Variants in LOC400499 observed in about 807,000 individuals in gnomAD.
chr16:11,409,045 G>A, the LOC400499 span, among the ~76,000 whole-genome samples: 1 of 151,922 alleles, frequency 6.6e-6, no homozygotes, highest in Non-Finnish European at 1.5e-5. Context: ...CAGATCATTT[G>A]AGGTCAGGAG....
the LOC400499 span, chr16:11,424,466 G>A: frequency 5.0e-6 from 2 of 398,268 alleles, no homozygotes; most frequent in Admixed American, 8.8e-5. Flanking sequence ...GCTCTCTAGA[G>A]CATCCCCTGA....
the LOC400499 span, chr16:11,435,581 G>C: frequency 2.5e-6 from 1 of 398,634 alleles, no homozygotes; most frequent in African/African-American, 2.1e-5. Flanking sequence ...CTCTGAGTGA[G>C]GATCTCCCAT....
chr16:11,410,044 T>C, the LOC400499 span, among the ~76,000 whole-genome samples: 1 of 152,186 alleles, frequency 6.6e-6, no homozygotes, highest in Non-Finnish European at 1.5e-5. Flanking sequence ...CTCCAGAGGC[T>C]GAGGCAGGAG....
chr16:11,444,013 T>A, the LOC400499 span, among the ~76,000 whole-genome samples: 5 of 152,118 alleles, frequency 3.3e-5, no homozygotes, highest in Non-Finnish European at 5.9e-5. Flanking sequence ...TTTTATAGTT[T>A]TTTTTTTAGT....
the LOC400499 span, chr16:11,494,787 G>A: frequency 2.5e-6 from 1 of 399,024 alleles, no homozygotes; most frequent in Non-Finnish European, 4.4e-6. Flanking sequence ...GCCCCCACCC[G>A]AGGTGGTGGG....
At chr16:11,465,056 T>G in the LOC400499 span, among the ~76,000 whole-genome samples, 1 of 152,160 alleles carries the variant, frequency 6.6e-6, no homozygotes, top group African/African-American at 2.4e-5. Context: ...GATGCTCCAC[T>G]CCAGGCCTCT....
At chr16:11,406,781 T>C in the LOC400499 span, among the ~76,000 whole-genome samples, 3 of 152,240 alleles carry the variant, frequency 2.0e-5, no homozygotes, top group Non-Finnish European at 2.9e-5. Context: ...CGCTAGCTCA[T>C]GTGTCGTCTC....
At chr16:11,418,244 G>C in the LOC400499 span, among the ~76,000 whole-genome samples, 1 of 152,166 alleles carries the variant, frequency 6.6e-6, no homozygotes, top group African/African-American at 2.4e-5. Flanking sequence ...ATTTGAACCA[G>C]AGCAACTCCA....
chr16:11,397,736 TGGGATGGAGGGAGGGA>T, the LOC400499 span, among the ~76,000 whole-genome samples: 416 of 115,996 alleles, frequency 3.6e-3, 3 homozygotes, highest in South Asian at 0.017. Flanking sequence ...TATGAGTCCT[TGGGATGGAGGGAGGGA>T]GGGATGGAGG....
At chr16:11,426,152 C>T in the LOC400499 span, among the ~76,000 whole-genome samples, 1 of 152,126 alleles carries the variant, frequency 6.6e-6, no homozygotes. Context: ...AGAATAAAAA[C>T]TGGCCAGGCG....
the LOC400499 span, among the ~76,000 whole-genome samples, chr16:11,428,547 T>A: frequency 6.6e-6 from 1 of 152,162 alleles, no homozygotes. Flanking sequence ...ACCATGGCGC[T>A]GGTGGGAATG....
At chr16:11,382,286 A>G in the LOC400499 span, among the ~76,000 whole-genome samples, 1 of 152,076 alleles carries the variant, frequency 6.6e-6, no homozygotes, top group Non-Finnish European at 1.5e-5. Flanking sequence ...CCTTTGTCAT[A>G]TTTTCCAATT....
At chr16:11,382,553 T>G in the LOC400499 span, among the ~76,000 whole-genome samples, 1 of 149,814 alleles carries the variant, frequency 6.7e-6, no homozygotes, top group Non-Finnish European at 1.5e-5. Context: ...AACACACATT[T>G]GGTCACAGAA....
the LOC400499 span, among the ~76,000 whole-genome samples, chr16:11,432,364 G>C: frequency 6.6e-6 from 1 of 152,210 alleles, no homozygotes; most frequent in Non-Finnish European, 1.5e-5. Context: ...AACAGACTCT[G>C]ACATGCACTG....
the LOC400499 span, among the ~76,000 whole-genome samples, chr16:11,496,422 A>C: frequency 6.6e-6 from 1 of 152,140 alleles, no homozygotes; most frequent in Admixed American, 6.5e-5. Context: ...CTGTGTTACT[A>C]CGCTAGGGTG....
chr16:11,390,411 C>A, the LOC400499 span: 1 of 1,251,118 alleles, frequency 8.0e-7, no homozygotes, highest in Admixed American at 3.9e-5. Context: ...ACACCTCCTC[C>A]AGGGGCCGCA....
chr16:11,399,410 C>T, the LOC400499 span: 8 of 475,630 alleles, frequency 1.7e-5, no homozygotes, highest in African/African-American at 1.4e-4. Context: ...GAGCTGGACG[C>T]TCCTGTGGCA....
At chr16:11,470,911 C>G in the LOC400499 span, among the ~76,000 whole-genome samples, 2 of 152,128 alleles carry the variant, frequency 1.3e-5, no homozygotes, top group African/African-American at 4.8e-5. Flanking sequence ...GCAGGGGAAA[C>G]GCCCAGTGCA....
At chr16:11,506,395 T>C in the LOC400499 span, among the ~76,000 whole-genome samples, 1 of 152,146 alleles carries the variant, frequency 6.6e-6, no homozygotes, top group African/African-American at 2.4e-5. Flanking sequence ...ACTCACCCAC[T>C]CTTGTGAGCC....
Sources: allele counts gnomAD v4.1 joint callset (sites outside exome capture counted in the v4.1 genomes callset), GRCh38; gene constraint gnomAD v4.1.1; transcripts MANE v1.5.